Variants in ARHGEF3 observed in about 807,000 individuals in gnomAD.
ARHGEF3 encodes the protein Rho guanine nucleotide exchange factor 3.
In ARHGEF3, 28 loss-of-function variants were observed where a neutral mutation model predicts 63.2. That is an observed-to-expected ratio of 0.44 (90% CI 0.33 to 0.61). ARHGEF3 has a LOEUF of 0.61. ARHGEF3 is among the 20% of genes least tolerant of loss of function. The probability of loss-of-function intolerance (pLI) is 0.03; values close to 1 mark genes in which losing one functional copy is unlikely to be tolerated. For synonymous variants in ARHGEF3, 266 were observed against 254.2 expected, an observed-to-expected ratio of 1.05 and a Z score of -0.44; for missense variants, 533 against 659.3, an observed-to-expected ratio of 0.81 and a Z score of 2.10.
At position 56,852,744 on chromosome 3, in the gene ARHGEF3, A is replaced by G. The variant is rs115033442; in HGVS notation, c.192+29548T>C. On this transcript the variant is annotated intron_variant, in intron 4 of 12. Coordinates refer to the ARHGEF3 transcript ENST00000338458. ...TATAATATGCCATTCTTAATGGTCA[A>G]CTTGGAGAAGAAAATGTGAAATATG... Among the ~76,000 whole-genome samples the G allele has an allele frequency of 9.0e-3, 1,372 of 152,244 alleles. 17 individuals carry two copies. The highest frequency in any genetic ancestry group is 0.049 in the South Asian group (238 of 4,830).
At chr3:56,901,680 C>T (rs1178199558) in intron 3 of ARHGEF3, among the ~76,000 whole-genome samples, 3 of 151,216 alleles carry the variant, frequency 2.0e-5, no homozygotes, top group Non-Finnish European at 4.4e-5. Flanking sequence ...ATCTCCTGGG[C>T]TCATGTGATC....
At chr3:56,868,361 G>GC (rs2040325050) in intron 4 of ARHGEF3, among the ~76,000 whole-genome samples, 1 of 140,570 alleles carries the variant, frequency 7.1e-6, no homozygotes, top group South Asian at 2.3e-4. Context: ...TTTTTTGTTT[G>GC]TTTTTTTTTT....
chr3:56,948,153 C>T (rs1699614092), intron 3 of ARHGEF3, among the ~76,000 whole-genome samples: 1 of 152,080 alleles, frequency 6.6e-6, no homozygotes, highest in African/African-American at 2.4e-5. Flanking sequence ...ATTTATAGCA[C>T]TAAATGCCCA....
intron 4 of ARHGEF3, among the ~76,000 whole-genome samples, chr3:56,867,750 T>A (rs539531984): frequency 7.2e-5 from 11 of 152,218 alleles, no homozygotes; most frequent in African/African-American, 2.6e-4. Flanking sequence ...GAATTACAAG[T>A]GTAAGCTACC....
At chr3:56,880,609 C>T (rs921312302) in intron 4 of ARHGEF3, among the ~76,000 whole-genome samples, 4 of 152,190 alleles carry the variant, frequency 2.6e-5, no homozygotes, top group Non-Finnish European at 5.9e-5. Context: ...ACCTCCAGGG[C>T]TTCCACTTCT....
chr3:56,980,504 A>G (rs1701285379), intron 2 of ARHGEF3, among the ~76,000 whole-genome samples: 1 of 152,228 alleles, frequency 6.6e-6, no homozygotes, highest in African/African-American at 2.4e-5. Flanking sequence ...GGTCGGGACC[A>G]TATATAGTAC....
At chr3:57,014,309 G>C (rs1579090705) in intron 2 of ARHGEF3, among the ~76,000 whole-genome samples, 1 of 152,178 alleles carries the variant, frequency 6.6e-6, no homozygotes, top group African/African-American at 2.4e-5. Context: ...TGAAGTCAGT[G>C]AGATCAAGAA....
chr3:56,989,169 A>C (rs1361858115), intron 2 of ARHGEF3, among the ~76,000 whole-genome samples: 2 of 152,234 alleles, frequency 1.3e-5, no homozygotes, highest in Non-Finnish European at 2.9e-5. Flanking sequence ...GGCAAGTCTC[A>C]AGTACCCTAT....
chr3:57,004,149 G>A (rs11709998), intron 2 of ARHGEF3, among the ~76,000 whole-genome samples: 33,089 of 152,098 alleles, frequency 0.22, 4,069 homozygotes, highest in Admixed American at 0.3. Flanking sequence ...GGTGCTGTGC[G>A]AACCTGAGGG....
chr3:57,000,310 C>CCACACACACA (rs71076009), intron 2 of ARHGEF3, among the ~76,000 whole-genome samples: 10,110 of 139,028 alleles, frequency 0.073, 432 homozygotes, highest in Non-Finnish European at 0.1. Context: ...AGGGTAACTC[C>CCACACACACA]CACACACACA....
At chr3:57,059,919 C>T (rs1039225704) in intron 1 of ARHGEF3, among the ~76,000 whole-genome samples, 1 of 152,126 alleles carries the variant, frequency 6.6e-6, no homozygotes, top group African/African-American at 2.4e-5. Flanking sequence ...TCGCTTGAAC[C>T]TGGGAAGCAG....
chr3:56,882,312 G>T (rs1286944401), exon 4 of ARHGEF3: 2 of 1,551,684 alleles, frequency 1.3e-6, no homozygotes, highest in Non-Finnish European at 1.7e-6. Context: ...AGACTGCAAA[G>T]GCTAACAGCA....
At chr3:56,945,703 C>A (rs1578911542) in intron 3 of ARHGEF3, among the ~76,000 whole-genome samples, 1 of 152,234 alleles carries the variant, frequency 6.6e-6, no homozygotes, top group Non-Finnish European at 1.5e-5. Flanking sequence ...CCTCTAGGGG[C>A]AGGGCATAGC....
intron 1 of ARHGEF3, among the ~76,000 whole-genome samples, chr3:57,054,798 A>G (rs575816494): frequency 3.3e-5 from 5 of 151,834 alleles, no homozygotes; most frequent in African/African-American, 4.8e-5. Flanking sequence ...TTATAGGCAT[A>G]CGCCACCATG....
At chr3:56,832,232 A>G (rs1286898600) in intron 4 of ARHGEF3, among the ~76,000 whole-genome samples, 3 of 152,244 alleles carry the variant, frequency 2.0e-5, no homozygotes, top group African/African-American at 7.2e-5. Flanking sequence ...AAGGTGAAAA[A>G]TCATAGCAAA....
intron 2 of ARHGEF3, among the ~76,000 whole-genome samples, chr3:56,986,543 G>A (rs193212852): frequency 3.3e-5 from 5 of 152,360 alleles, no homozygotes; most frequent in Admixed American, 3.3e-4. Context: ...GGAAGCAACA[G>A]CCCTGGGGAC....
chr3:56,817,828 C>T (rs781295429), intron 4 of ARHGEF3, among the ~76,000 whole-genome samples: 4 of 152,298 alleles, frequency 2.6e-5, no homozygotes, highest in Admixed American at 6.5e-5. Flanking sequence ...CCAAAGATAG[C>T]GTGTCATTGG....
At chr3:56,780,671 T>C (rs2036521805) in intron 1 of ARHGEF3, among the ~76,000 whole-genome samples, 1 of 152,258 alleles carries the variant, frequency 6.6e-6, no homozygotes, top group African/African-American at 2.4e-5. Context: ...TAGAGCTCTC[T>C]AATTGACACT....
intron 2 of ARHGEF3, among the ~76,000 whole-genome samples, chr3:56,969,960 A>G (rs967570137): frequency 6.6e-6 from 1 of 152,192 alleles, no homozygotes; most frequent in Non-Finnish European, 1.5e-5. Context: ...ATATTATATG[A>G]TTCCATTTAT....
Sources: allele counts gnomAD v4.1 joint callset (sites outside exome capture counted in the v4.1 genomes callset), GRCh38; gene constraint gnomAD v4.1.1; transcripts MANE v1.5; gene names NCBI Gene and HGNC (gene_info 2026-07-23, HGNC 2026-07-21).